NRG3: variants seen among roughly 807,000 people sequenced by gnomAD.
NRG3 encodes pro-neuregulin-3, membrane-bound isoform.
NRG3 carries 31 observed loss-of-function variants against 66.9 expected under a neutral mutation model. The observed-to-expected ratio is 0.46, with a 90% CI of 0.35 to 0.63. NRG3 has a LOEUF of 0.63. Among genes scored for constraint, NRG3 ranks in the 20% least tolerant of loss-of-function variants. The probability of loss-of-function intolerance (pLI) is 0.00; values close to 1 mark genes in which losing one functional copy is unlikely to be tolerated. For synonymous variants in NRG3, 393 were observed against 359.4 expected (o/e 1.09, Z -1.06); for missense variants, 910 against 878.9 (o/e 1.04, Z -0.45).
At chr10:82,820,803 C>T (rs2061919193) in intron 3 of NRG3, among the ~76,000 whole-genome samples, 1 of 152,180 alleles carries the variant, frequency 6.6e-6, no homozygotes, top group Non-Finnish European at 1.5e-5. Context: ...TCTTAGCATA[C>T]ATTCCCTACT....
At chr10:82,932,159 T>G (rs751241079) in intron 4 of NRG3, among the ~76,000 whole-genome samples, 3 of 152,210 alleles carry the variant, frequency 2.0e-5, no homozygotes, top group Non-Finnish European at 2.9e-5. Flanking sequence ...GGTTTCATTC[T>G]GTGGCCAGTA....
chr10:82,638,626 C>T (rs2050355043), intron 2 of NRG3, among the ~76,000 whole-genome samples: 1 of 152,002 alleles, frequency 6.6e-6, no homozygotes, highest in Admixed American at 6.6e-5. Flanking sequence ...AAATCACACT[C>T]CAAGGGATTC....
chr10:82,609,794 A>G (rs921006700), intron 2 of NRG3, among the ~76,000 whole-genome samples: 1 of 152,232 alleles, frequency 6.6e-6, no homozygotes, highest in Non-Finnish European at 1.5e-5. Context: ...AGTAAAGAAG[A>G]AAGTAAAATT....
intron 3 of NRG3, among the ~76,000 whole-genome samples, chr10:82,743,416 C>A (rs1206454173): frequency 6.6e-6 from 1 of 152,126 alleles, no homozygotes; most frequent in Non-Finnish European, 1.5e-5. Context: ...TGGATTTAGA[C>A]TTCCCATCAG....
chr10:82,515,043 G>T (rs1212896803), intron 2 of NRG3, among the ~76,000 whole-genome samples: 1 of 152,122 alleles, frequency 6.6e-6, no homozygotes, highest in Non-Finnish European at 1.5e-5. Context: ...GGCCTCTGCT[G>T]CTCCACATAT....
intron 3 of NRG3, among the ~76,000 whole-genome samples, chr10:82,858,942 C>T (rs866087661): frequency 4.0e-5 from 5 of 124,234 alleles, no homozygotes; most frequent in South Asian, 2.8e-4. Context: ...AGTAGTCTAA[C>T]TTTTTTTTTT....
chr10:82,335,849 G>C (rs2082358041), intron 1 of NRG3, among the ~76,000 whole-genome samples: 1 of 152,128 alleles, frequency 6.6e-6, no homozygotes, highest in Admixed American at 6.5e-5. Flanking sequence ...TGACAAAAAT[G>C]TCTAGTAATT....
At chr10:82,011,259 C>T (rs1275129061) in intron 1 of NRG3, among the ~76,000 whole-genome samples, 3 of 152,134 alleles carry the variant, frequency 2.0e-5, no homozygotes, top group Non-Finnish European at 2.9e-5. Context: ...TTTAGGGGAA[C>T]TTCCATTTAT....
intron 4 of NRG3, among the ~76,000 whole-genome samples, chr10:82,930,024 A>G (rs1364750927): frequency 1.3e-5 from 2 of 152,174 alleles, no homozygotes; most frequent in African/African-American, 4.8e-5. Flanking sequence ...ATATCTGCCC[A>G]TTTCTTCCTT....
intron 2 of NRG3, among the ~76,000 whole-genome samples, chr10:82,655,045 A>G (rs2051729914): frequency 1.3e-5 from 2 of 151,900 alleles, no homozygotes; most frequent in South Asian, 2.1e-4. Context: ...CTTAACTATT[A>G]TATAAAATAT....
intron 2 of NRG3, among the ~76,000 whole-genome samples, chr10:82,623,418 A>T (rs1455434037): frequency 3.3e-5 from 5 of 152,052 alleles, no homozygotes; most frequent in Non-Finnish European, 7.4e-5. Flanking sequence ...TCCAGTGTGG[A>T]CTCTGAATCA....
chr10:82,419,485 T>C (rs1248375317), intron 2 of NRG3, among the ~76,000 whole-genome samples: 1 of 152,212 alleles, frequency 6.6e-6, no homozygotes, highest in African/African-American at 2.4e-5. Context: ...TAAATGTTTC[T>C]GTACTTTTGC....
chr10:82,562,413 T>C (rs1455724754), intron 2 of NRG3, among the ~76,000 whole-genome samples: 1 of 152,198 alleles, frequency 6.6e-6, no homozygotes, highest in Non-Finnish European at 1.5e-5. Flanking sequence ...AAGGTCTTTC[T>C]CTTGCTTTCA....
intron 2 of NRG3, among the ~76,000 whole-genome samples, chr10:82,663,634 G>A (rs2052538038): frequency 6.6e-6 from 1 of 152,192 alleles, no homozygotes; most frequent in Non-Finnish European, 1.5e-5. Flanking sequence ...CTTCAATAAT[G>A]TCAATAGCTC....
intron 2 of NRG3, among the ~76,000 whole-genome samples, chr10:82,434,578 T>C (rs1006153288): frequency 5.3e-5 from 8 of 152,200 alleles, no homozygotes; most frequent in Non-Finnish European, 1.0e-4. Flanking sequence ...ATATTGGCTG[T>C]GGGCTTGTCA....
chr10:82,179,812 G>A (rs1025032103), intron 1 of NRG3, among the ~76,000 whole-genome samples: 2 of 151,812 alleles, frequency 1.3e-5, no homozygotes, highest in Admixed American at 6.6e-5. Context: ...TGAATCTGTA[G>A]ATTGCTTTGA....
chr10:82,004,669 A>C (rs2061316910), intron 1 of NRG3, among the ~76,000 whole-genome samples: 1 of 152,170 alleles, frequency 6.6e-6, no homozygotes, highest in Non-Finnish European at 1.5e-5. Context: ...TCGAAGTATG[A>C]CTATATTTGG....
intron 4 of NRG3, among the ~76,000 whole-genome samples, chr10:82,925,063 C>T (rs1846849240): frequency 6.6e-6 from 1 of 152,152 alleles, no homozygotes; most frequent in Non-Finnish European, 1.5e-5. Context: ...GTACAGAAGA[C>T]ATAAGCACCC....
intron 1 of NRG3, among the ~76,000 whole-genome samples, chr10:82,075,435 A>G (rs1367319245): frequency 1.3e-5 from 2 of 152,166 alleles, no homozygotes; most frequent in East Asian, 3.9e-4. Context: ...TTATATACAG[A>G]TAGAAAAATG....
Sources: gnomAD v4.1 joint callset for allele counts (sites outside exome capture counted in the v4.1 genomes callset) on GRCh38, gnomAD v4.1.1 for gene constraint, MANE v1.5 for transcripts, NCBI Gene and HGNC (gene_info 2026-07-23, HGNC 2026-07-21) for gene names.